The following TXNL4A variants were observed in gnomAD, a reference collection of about 807,000 sequenced individuals.
TXNL4A encodes thioredoxin like 4A.
TXNL4A carries 17 observed loss-of-function variants against 14.6 expected under a neutral mutation model. The ratio of observed to expected loss-of-function variants is 1.16; its 90% CI spans 0.80 to 1.74. The LOEUF is 1.74. Ranked by LOEUF, TXNL4A falls within the 40% of genes most tolerant of loss-of-function variation. TXNL4A has a pLI of 0.00. For synonymous variants in TXNL4A, 83 were observed against 70.6 expected (o/e 1.18, Z -0.88); for missense variants, 74 against 195.2 (o/e 0.38, Z 3.70).
intron 1 of TXNL4A, among the ~76,000 whole-genome samples, chr18:79,983,718 C>T (rs1422010613): frequency 6.6e-6 from 1 of 152,208 alleles, no homozygotes; most frequent in Non-Finnish European, 1.5e-5. Flanking sequence ...CTCACAATAA[C>T]TTGCAAACTT....
chr18:80,030,623 T>C (rs988781093), intron 1 of TXNL4A: 1 of 152,204 alleles, frequency 6.6e-6, no homozygotes, highest in Non-Finnish European at 1.5e-5. Context: ...AACAGTTTGG[T>C]ATCCTTCATG....
intron 1 of TXNL4A, among the ~76,000 whole-genome samples, chr18:80,008,719 G>GT (rs2051749081): frequency 6.6e-6 from 1 of 152,088 alleles, no homozygotes; most frequent in African/African-American, 2.4e-5. Flanking sequence ...GACTGTATGA[G>GT]TCTGTCTCAC....
chr18:80,023,157 G>A (rs551083503), intron 1 of TXNL4A, among the ~76,000 whole-genome samples: 2 of 152,246 alleles, frequency 1.3e-5, no homozygotes, highest in East Asian at 3.9e-4. Context: ...ATGCAGAACA[G>A]GTGCCTTAAA....
chr18:80,018,105 T>C (rs1568380479), intron 1 of TXNL4A, among the ~76,000 whole-genome samples: 1 of 152,278 alleles, frequency 6.6e-6, no homozygotes, highest in East Asian at 1.9e-4. Context: ...AGTGTATGTG[T>C]CAAGGAATTT....
intron 1 of TXNL4A, among the ~76,000 whole-genome samples, chr18:80,024,734 G>C (rs1392624186): frequency 6.6e-6 from 1 of 152,180 alleles, no homozygotes; most frequent in Non-Finnish European, 1.5e-5. Context: ...TCAGCCGGCA[G>C]GTGCATATAA....
At chr18:79,975,910 G>A (rs547978269) in intron 2 of TXNL4A, among the ~76,000 whole-genome samples, 23 of 152,280 alleles carry the variant, frequency 1.5e-4, no homozygotes, top group African/African-American at 7.2e-5. Flanking sequence ...TAGCCTCTCC[G>A]GATGGCCAAA....
chr18:80,033,443 G>C (rs1046338529), intron 1 of TXNL4A, among the ~76,000 whole-genome samples: 1 of 152,228 alleles, frequency 6.6e-6, no homozygotes, highest in African/African-American at 2.4e-5. Context: ...GCTGACTCTG[G>C]GGAGGCGGGC....
intron 1 of TXNL4A, among the ~76,000 whole-genome samples, chr18:80,008,202 T>C (rs1465356841): frequency 6.6e-6 from 1 of 152,238 alleles, no homozygotes; most frequent in East Asian, 1.9e-4. Context: ...TGACTTTGTT[T>C]GTTGGAGACT....
intron 1 of TXNL4A, among the ~76,000 whole-genome samples, chr18:80,031,814 A>G (rs1328715621): frequency 1.3e-5 from 2 of 152,266 alleles, no homozygotes; most frequent in Non-Finnish European, 2.9e-5. Context: ...TATGACTGAT[A>G]TGAAAACCCA....
At chr18:80,014,765 G>C (rs1048148120) in intron 1 of TXNL4A, among the ~76,000 whole-genome samples, 5 of 152,170 alleles carry the variant, frequency 3.3e-5, no homozygotes, top group African/African-American at 1.2e-4. Context: ...CTGTGTGGGG[G>C]CTCCAACCCC....
intron 1 of TXNL4A, among the ~76,000 whole-genome samples, chr18:80,032,306 A>G (rs1393389060): frequency 6.6e-6 from 1 of 152,158 alleles, no homozygotes; most frequent in African/African-American, 2.4e-5. Flanking sequence ...AGGAACCCAC[A>G]TTCCTTTTTA....
chr18:79,972,020 T>C lies in TXNL4A; in HGVS notation c.*1665A>G, dbSNP rs997969722. ...GCACTTGGGAGATTAAACTGCAGAT[T>C]TGCATTTGAATTTTAAATCCATTTA... is the stretch of plus-strand genomic sequence containing the variant. On this transcript the variant is annotated 3_prime_UTR_variant, in exon 3 of 3. Coordinates refer to ENST00000269601, the MANE Select transcript of TXNL4A (RefSeq NM_006701.5). The C allele has an allele frequency of 2.0e-5, 3 of 152,222 alleles. No homozygotes were observed. The allele number at this position is 152,222 out of a possible 1,614,324, so 9.4% of individuals were successfully genotyped here.
chr18:79,980,746 C>T (rs1008923134), intron 1 of TXNL4A, among the ~76,000 whole-genome samples: 3 of 151,920 alleles, frequency 2.0e-5, no homozygotes, highest in Non-Finnish European at 1.5e-5. Flanking sequence ...TTTCAAAACC[C>T]CAAGGTGAGC....
At chr18:79,991,744 C>T (rs576008875), upstream of TXNL4A, among the ~76,000 whole-genome samples, 34 of 152,324 alleles carry the variant, frequency 2.2e-4, 1 homozygote, top group South Asian at 6.8e-3. Flanking sequence ...TCAGTTTTTC[C>T]ACATTCTTGC....
At chr18:79,990,060 G>A (rs2051615822), upstream of TXNL4A, among the ~76,000 whole-genome samples, 1 of 152,194 alleles carries the variant, frequency 6.6e-6, no homozygotes, top group African/African-American at 2.4e-5. Context: ...GGCATGGTGA[G>A]AACTACAGTC....
chr18:80,024,002 C>T (rs955249980), intron 1 of TXNL4A, among the ~76,000 whole-genome samples: 2 of 152,164 alleles, frequency 1.3e-5, no homozygotes, highest in African/African-American at 4.8e-5. Context: ...CCGGTAACCA[C>T]GAAGGGATCC....
chr18:80,017,771 T>C (rs1198758067), intron 1 of TXNL4A, among the ~76,000 whole-genome samples: 2 of 152,020 alleles, frequency 1.3e-5, no homozygotes, highest in African/African-American at 4.8e-5. Context: ...TTGCCAGTAT[T>C]TTATTGAGGA....
chr18:80,006,737 A>AG (rs34619373), intron 1 of TXNL4A, among the ~76,000 whole-genome samples: 1 of 152,116 alleles, frequency 6.6e-6, no homozygotes, highest in Non-Finnish European at 1.5e-5. Flanking sequence ...GTGCAGAGTG[A>AG]GGGGGGTTCT....
intron 1 of TXNL4A, among the ~76,000 whole-genome samples, chr18:80,020,711 T>C (rs983272461): frequency 1.3e-5 from 2 of 152,224 alleles, no homozygotes; most frequent in African/African-American, 4.8e-5. Flanking sequence ...AGTGAGTTTA[T>C]AGCTGATTGA....
Sources: gnomAD v4.1 joint callset for allele counts (sites outside exome capture counted in the v4.1 genomes callset) on GRCh38, gnomAD v4.1.1 for gene constraint, MANE v1.5 for transcripts, NCBI Gene and HGNC (gene_info 2026-07-23, HGNC 2026-07-21) for gene names.